PIP5K1B: variants seen among roughly 807,000 people sequenced by gnomAD.
The protein encoded by PIP5K1B is phosphatidylinositol-4-phosphate 5-kinase type 1 beta, also known as phosphatidylinositol 4-phosphate 5-kinase type-1 beta.
Under a neutral mutation model 67.0 loss-of-function variants are expected in PIP5K1B, and 42 were observed. The ratio of observed to expected loss-of-function variants is 0.63; its 90% CI spans 0.49 to 0.81. The LOEUF is 0.81. Among genes scored for constraint, PIP5K1B ranks in the 30% least tolerant of loss-of-function variants. PIP5K1B has a pLI of 0.00. For missense variants in PIP5K1B, 459 were observed against 646.3 expected (o/e 0.71, Z 3.14); for synonymous variants, 214 against 231.4 (o/e 0.92, Z 0.68).
chr9:68,974,598 C>T (rs1829545954), intron 14 of PIP5K1B, among the ~76,000 whole-genome samples: 1 of 152,172 alleles, frequency 6.6e-6, no homozygotes, highest in African/African-American at 2.4e-5. Flanking sequence ...TAGCAGAGAC[C>T]AGTAGCTTCT....
chr9:68,808,024 C>G (rs1206914176), intron 2 of PIP5K1B, among the ~76,000 whole-genome samples: 2 of 152,070 alleles, frequency 1.3e-5, no homozygotes, highest in East Asian at 1.9e-4. Flanking sequence ...ATGGCAAAAC[C>G]CTGTCTGTAC....
At chr9:69,008,343 A>G in intron 15 of PIP5K1B, 104 bp from the exon 16 acceptor site, 1 of 981,612 alleles carries the variant, frequency 1.0e-6, no homozygotes, top group East Asian at 2.4e-5. Flanking sequence ...TTTTCCAGAC[A>G]CAAGTGATTG....
At chr9:68,801,266 A>C (rs1428396709) in intron 2 of PIP5K1B, among the ~76,000 whole-genome samples, 2 of 152,190 alleles carry the variant, frequency 1.3e-5, no homozygotes, top group Admixed American at 1.3e-4. Context: ...CGGGCATGAG[A>C]GAACTTAGAA....
At chr9:68,730,908 A>C (rs975908231) in intron 1 of PIP5K1B, among the ~76,000 whole-genome samples, 1 of 152,210 alleles carries the variant, frequency 6.6e-6, no homozygotes, top group African/African-American at 2.4e-5. Context: ...GTTATCCAAT[A>C]TTTCTTCTCC....
chr9:68,847,135 G>A (rs1418569244), intron 4 of PIP5K1B, among the ~76,000 whole-genome samples: 4 of 152,062 alleles, frequency 2.6e-5, no homozygotes, highest in Admixed American at 1.3e-4. Flanking sequence ...GAATAGTGAC[G>A]AGTGGCCCAG....
At chr9:68,856,108 C>G (rs1393666009) in intron 4 of PIP5K1B, among the ~76,000 whole-genome samples, 4 of 152,054 alleles carry the variant, frequency 2.6e-5, no homozygotes, top group Non-Finnish European at 5.9e-5. Context: ...GAATGCTGTT[C>G]CCTCATTGAA....
At chr9:68,789,755 T>A in intron 2 of PIP5K1B, 1 of 236,226 alleles carries the variant, frequency 4.2e-6, no homozygotes, top group Non-Finnish European at 8.3e-6. Flanking sequence ...ACCCCATCTT[T>A]CAAGACCAGG....
At chr9:68,814,180 C>A (rs1303831980) in intron 2 of PIP5K1B, among the ~76,000 whole-genome samples, 1 of 152,164 alleles carries the variant, frequency 6.6e-6, no homozygotes, top group African/African-American at 2.4e-5. Flanking sequence ...GTCTTCCCTT[C>A]TTACAGGAGA....
chr9:68,923,000 G>A (rs560177235), intron 11 of PIP5K1B, among the ~76,000 whole-genome samples: 85 of 152,284 alleles, frequency 5.6e-4, no homozygotes, highest in African/African-American at 1.9e-3. Flanking sequence ...CTCCTCCTGG[G>A]ACACAATGTT....
intron 2 of PIP5K1B, chr9:68,780,840 T>G: frequency 6.2e-7 from 1 of 1,614,230 alleles, no homozygotes; most frequent in Non-Finnish European, 8.5e-7. Context: ...CAACATGCTT[T>G]CTTCTGACGT....
rs569555626 is a variant in PIP5K1B at position 68,903,165 on chromosome 9, G to A, written c.771+8527G>A. On this transcript the variant is annotated intron_variant, in intron 8 of 15. Transcript: ENST00000265382. ...TAAAAATCTGCTCTGTGGGAACTGT[G>A]GAACCTCATTTTCCCAGTCTTAGCT... Among the ~76,000 whole-genome samples the A allele has an allele frequency of 2.6e-5, 4 of 152,168 alleles. No homozygotes were observed. The East Asian group carries it at 7.7e-4, about 29-fold the overall frequency.
intron 1 of PIP5K1B, among the ~76,000 whole-genome samples, chr9:68,725,453 T>C (rs1012785040): frequency 3.3e-5 from 5 of 152,174 alleles, no homozygotes; most frequent in African/African-American, 1.2e-4. Context: ...AACAAAAGCA[T>C]TGCACACATT....
At chr9:68,876,064 G>A (rs939548043) in intron 5 of PIP5K1B, among the ~76,000 whole-genome samples, 7 of 152,072 alleles carry the variant, frequency 4.6e-5, no homozygotes, top group African/African-American at 1.7e-4. Context: ...CATAAATATT[G>A]TGTATAATTT....
At chr9:68,855,671 C>T (rs945435299) in intron 4 of PIP5K1B, among the ~76,000 whole-genome samples, 1 of 152,192 alleles carries the variant, frequency 6.6e-6, no homozygotes, top group Non-Finnish European at 1.5e-5. Flanking sequence ...AATCCACCTC[C>T]TCTGCCCATC....
intron 7 of PIP5K1B, among the ~76,000 whole-genome samples, chr9:68,891,848 G>GA (rs1445483837): frequency 1.3e-5 from 2 of 151,888 alleles, no homozygotes; most frequent in African/African-American, 4.8e-5. Flanking sequence ...GAATATAAGG[G>GA]AAAAAAGAGA....
At chr9:68,711,958 G>A (rs961789776) in intron 1 of PIP5K1B, among the ~76,000 whole-genome samples, 2 of 152,140 alleles carry the variant, frequency 1.3e-5, no homozygotes, top group African/African-American at 4.8e-5. Flanking sequence ...CCAACCTAAA[G>A]GAGACCTTCT....
At chr9:68,901,359 A>G (rs941557359) in intron 8 of PIP5K1B, among the ~76,000 whole-genome samples, 3 of 152,188 alleles carry the variant, frequency 2.0e-5, no homozygotes. Flanking sequence ...CCCAGGCTCA[A>G]GGGATTCTCC....
chr9:68,984,784 AT>A (rs1398342789), intron 14 of PIP5K1B, among the ~76,000 whole-genome samples: 3 of 152,150 alleles, frequency 2.0e-5, no homozygotes, highest in African/African-American at 7.2e-5. Context: ...CATATACCAT[AT>A]TTGTTTTTGT....
chr9:68,807,865 T>C (rs1832954923), intron 2 of PIP5K1B, among the ~76,000 whole-genome samples: 1 of 152,156 alleles, frequency 6.6e-6, no homozygotes, highest in African/African-American at 2.4e-5. Flanking sequence ...AGTAAAGATA[T>C]AATATTGTGA....
Sources: allele counts gnomAD v4.1 joint callset (sites outside exome capture counted in the v4.1 genomes callset), GRCh38; gene constraint gnomAD v4.1.1; transcripts MANE v1.5; gene names NCBI Gene and HGNC (gene_info 2026-07-23, HGNC 2026-07-21).